MYT1L: variants seen among roughly 807,000 people sequenced by gnomAD.
MYT1L encodes myelin transcription factor 1 like.
In MYT1L, 12 loss-of-function variants were observed where a neutral mutation model predicts 126.7. The observed-to-expected ratio is 0.09, with a 90% CI of 0.06 to 0.15. The LOEUF is 0.15. MYT1L is among the 10% of genes least tolerant of loss of function. MYT1L has a pLI of 1.00. For missense variants in MYT1L, 979 were observed against 1,585.2 expected, an observed-to-expected ratio of 0.62 and a Z score of 6.49; for synonymous variants, 541 against 604.2, an observed-to-expected ratio of 0.90 and a Z score of 1.53.
intron 18 of MYT1L, among the ~76,000 whole-genome samples, chr2:1,858,614 C>T (rs1458126875): frequency 2.0e-5 from 3 of 152,122 alleles, no homozygotes; most frequent in Admixed American, 2.0e-4. Flanking sequence ...CTGGAACCAA[C>T]CCCCCAGGGA....
At chr2:2,181,392 G>A (rs1009723318) in intron 2 of MYT1L, among the ~76,000 whole-genome samples, 4 of 152,160 alleles carry the variant, frequency 2.6e-5, no homozygotes, top group African/African-American at 9.7e-5. Context: ...ATGAAATCAT[G>A]TTACTGATTG....
chr2:1,815,029 G>C (rs939249510), intron 21 of MYT1L, among the ~76,000 whole-genome samples: 1 of 152,192 alleles, frequency 6.6e-6, no homozygotes, highest in South Asian at 2.1e-4. Context: ...GAATTTAAAA[G>C]CAAACAAAAT....
intron 3 of MYT1L, among the ~76,000 whole-genome samples, chr2:2,171,157 CT>C (rs2090001213): frequency 6.6e-6 from 1 of 152,142 alleles, no homozygotes; most frequent in Admixed American, 6.5e-5. Flanking sequence ...CTCGAGATCT[CT>C]TTTTTCCCCT....
intron 3 of MYT1L, among the ~76,000 whole-genome samples, chr2:2,081,205 T>C (rs1177413965): frequency 2.0e-5 from 3 of 152,222 alleles, no homozygotes; most frequent in Non-Finnish European, 4.4e-5. Flanking sequence ...ACTTCCACTG[T>C]AGAGACAGCA....
At position 1,922,322 on chromosome 2, in the gene MYT1L, T is replaced by C; in HGVS notation, c.1447A>G (p.Ser483Gly). The C allele has an allele frequency of 6.2e-7, 1 of 1,613,940 alleles. No homozygotes were observed. The highest frequency in any genetic ancestry group is 1.1e-5 in the South Asian group (1 of 91,074). ...TATGGCTTTTTGACATGGCTGTCAC[T>C]GGATTTAGGCTTTCTGTCCTCCCCG... ...LPGEDRKPKSSDSHVKKPYYG... is the reference protein window; with the variant it reads ...LPGEDRKPKSGDSHVKKPYYG... The change falls in exon 10 of 25, where the codon AGT becomes GGT. Residue 483 changes from serine to glycine, a missense_variant. Transcript: ENST00000647738. The surrounding 1 kb of genome is among the most constrained non-coding windows in gnomAD (Gnocchi z 7.4).
At chr2:1,865,056 C>A (rs2045271925) in intron 18 of MYT1L, among the ~76,000 whole-genome samples, 1 of 152,168 alleles carries the variant, frequency 6.6e-6, no homozygotes, top group Non-Finnish European at 1.5e-5. Flanking sequence ...CCACCAGGTG[C>A]TCTTGTGGGG....
In MYT1L at chr2:1,856,098, C is replaced by CAAAAA. The variant is rs1348407104; in HGVS notation, c.2712-4396_2712-4395insTTTTT. ...AAAAACAAAACAAAACAAAACAAAA[C>CAAAAA]CACCCAAGCAACAACAAGAAAACAA... On this transcript the variant is annotated intron_variant, in intron 18 of 24. Transcript: ENST00000647738. Among the ~76,000 whole-genome samples, 31 of 152,134 alleles carry CAAAAA rather than the reference C, an allele frequency of 2.0e-4. 6 individuals are homozygous for CAAAAA. The highest frequency in any genetic ancestry group is 3.6e-4 in the African/African-American group (15 of 41,486).
intron 8 of MYT1L, among the ~76,000 whole-genome samples, chr2:1,965,052 A>G (rs1483153812): frequency 6.6e-6 from 1 of 152,246 alleles, no homozygotes; most frequent in Non-Finnish European, 1.5e-5. Flanking sequence ...AATTCACCAG[A>G]GTATTCCGGT....
intron 4 of MYT1L, among the ~76,000 whole-genome samples, chr2:2,020,930 G>A (rs1432260542): frequency 6.6e-6 from 1 of 152,210 alleles, no homozygotes; most frequent in Non-Finnish European, 1.5e-5. Flanking sequence ...AGCTGCCTCT[G>A]AGCAGCTCCT....
At chr2:1,948,231 T>C (rs2057416198) in intron 8 of MYT1L, among the ~76,000 whole-genome samples, 1 of 152,246 alleles carries the variant, frequency 6.6e-6, no homozygotes, top group South Asian at 2.1e-4. Context: ...TTTGGAATCA[T>C]CTGGCGTCAA....
At chr2:2,090,584 G>C (rs1361068240) in intron 3 of MYT1L, among the ~76,000 whole-genome samples, 3 of 152,056 alleles carry the variant, frequency 2.0e-5, no homozygotes, top group Non-Finnish European at 4.4e-5. Flanking sequence ...GGGTGGCTGT[G>C]GCAATTTCTT....
At chr2:2,050,135 A>AT in intron 4 of MYT1L, among the ~76,000 whole-genome samples, 1 of 152,286 alleles carries the variant, frequency 6.6e-6, no homozygotes, top group East Asian at 1.9e-4. Flanking sequence ...CATGATATCC[A>AT]TCTCACTTGA....
intron 3 of MYT1L, among the ~76,000 whole-genome samples, chr2:2,120,934 G>T (rs17039339): frequency 1.3e-5 from 2 of 151,710 alleles, no homozygotes; most frequent in African/African-American, 2.4e-5. Context: ...AGACTCCCCC[G>T]AAGTCCATTT....
chr2:1,999,840 T>C (rs2062195441), intron 4 of MYT1L, among the ~76,000 whole-genome samples: 1 of 152,316 alleles, frequency 6.6e-6, no homozygotes, highest in East Asian at 1.9e-4. Flanking sequence ...CTAGCTCATA[T>C]CTAAAAATTA....
chr2:2,169,018 T>A (rs144374868), intron 3 of MYT1L, among the ~76,000 whole-genome samples: 1 of 152,306 alleles, frequency 6.6e-6, no homozygotes, highest in African/African-American at 2.4e-5. Flanking sequence ...CTAAATTTAG[T>A]GATTTAGACA....
At chr2:1,996,963 A>G (rs555171468) in intron 5 of MYT1L, among the ~76,000 whole-genome samples, 1 of 140,054 alleles carries the variant, frequency 7.1e-6, no homozygotes, top group African/African-American at 2.7e-5. Flanking sequence ...TGGGCTGCAC[A>G]GAACCGAGTG....
At chr2:1,800,606 G>A (rs970077405) in intron 23 of MYT1L, among the ~76,000 whole-genome samples, 5 of 152,188 alleles carry the variant, frequency 3.3e-5, no homozygotes, top group Non-Finnish European at 7.3e-5. Context: ...TGTCCAGTGG[G>A]TAGAAACCAC....
chr2:2,221,795 G>A (rs757700224), intron 2 of MYT1L, among the ~76,000 whole-genome samples: 19 of 152,214 alleles, frequency 1.2e-4, no homozygotes, highest in Non-Finnish European at 1.2e-4. Context: ...TAGAGTAACT[G>A]CATTTTGGAA....
intron 19 of MYT1L, chr2:1,841,678 CGGGA>C (rs892264334): frequency 3.3e-5 from 5 of 151,348 alleles, no homozygotes; most frequent in African/African-American, 1.2e-4. Context: ...ACAGAGAGCG[CGGGA>C]GCGAGCGCAC....
Sources: gnomAD v4.1 joint callset for allele counts (sites outside exome capture counted in the v4.1 genomes callset) on GRCh38, gnomAD v4.1.1 for gene constraint, Gnocchi (gnomAD v3.1) non-coding constraint, MANE v1.5 for transcripts, NCBI Gene and HGNC (gene_info 2026-07-23, HGNC 2026-07-21) for gene names.